The following SHROOM3 variants were observed in gnomAD, a reference collection of about 807,000 sequenced individuals.
The protein encoded by SHROOM3 is shroom family member 3.
A neutral mutation model predicts 138.6 loss-of-function variants in SHROOM3; 47 were observed. That is an observed-to-expected ratio of 0.34 (90% CI 0.27 to 0.43). The LOEUF (loss-of-function observed/expected upper bound fraction) is 0.43, where lower values mean the gene tolerates loss of function less well. SHROOM3 is among the 20% of genes least tolerant of loss of function. The pLI, the probability that SHROOM3 is intolerant of heterozygous loss-of-function variation, is 1.00. For missense variants in SHROOM3, 2,491 were observed against 2,596.5 expected (o/e 0.96, Z 0.88); for synonymous variants, 1,062 against 1,063.3 (o/e 1.00, Z 0.02).
intron 1 of SHROOM3, among the ~76,000 whole-genome samples, chr4:76,506,589 A>G (rs1344154751): frequency 6.6e-6 from 1 of 152,012 alleles, no homozygotes; most frequent in Non-Finnish European, 1.5e-5. Context: ...GTTTAGTATC[A>G]ATCATCTTAA....
chr4:76,475,463 G>T (rs752684260), intron 1 of SHROOM3, among the ~76,000 whole-genome samples: 6 of 152,160 alleles, frequency 3.9e-5, no homozygotes, highest in Non-Finnish European at 8.8e-5. Context: ...AAGACTTTTG[G>T]GTCAGAGATA....
chr4:76,593,208 C>G (rs575212735), intron 2 of SHROOM3, among the ~76,000 whole-genome samples: 148 of 152,298 alleles, frequency 9.7e-4, no homozygotes, highest in African/African-American at 3.4e-3. Context: ...AAAGATCTGT[C>G]TAAAAATGTG....
intron 2 of SHROOM3, among the ~76,000 whole-genome samples, chr4:76,567,459 G>A (rs954981829): frequency 6.6e-6 from 1 of 152,122 alleles, no homozygotes; most frequent in Admixed American, 6.5e-5. Flanking sequence ...GACCATCCTG[G>A]CTAACACGAT....
chr4:76,552,009 C>A (rs1230581759), intron 1 of SHROOM3, among the ~76,000 whole-genome samples: 2 of 142,564 alleles, frequency 1.4e-5, no homozygotes, highest in Admixed American at 6.9e-5. Flanking sequence ...CTACAGGCGC[C>A]CGCCATCACG....
intron 2 of SHROOM3, among the ~76,000 whole-genome samples, chr4:76,570,930 G>C (rs1466663647): frequency 6.6e-6 from 1 of 152,196 alleles, no homozygotes; most frequent in Non-Finnish European, 1.5e-5. Context: ...TGTACATGAG[G>C]TGATTGGACT....
At chr4:76,689,723 G>C in intron 2 of SHROOM3, 2 of 985,630 alleles carry the variant, frequency 2.0e-6, no homozygotes, top group Non-Finnish European at 2.4e-6. Flanking sequence ...AGGGCGGCTG[G>C]GCACGGAGAG....
At chr4:76,632,051 G>A (rs942914501) in intron 2 of SHROOM3, among the ~76,000 whole-genome samples, 2 of 152,184 alleles carry the variant, frequency 1.3e-5, no homozygotes, top group African/African-American at 4.8e-5. Context: ...GGGATCATGA[G>A]TCAAGATGGG....
At chr4:76,560,077 G>A (rs1476886514) in intron 2 of SHROOM3, among the ~76,000 whole-genome samples, 1 of 152,178 alleles carries the variant, frequency 6.6e-6, no homozygotes. Flanking sequence ...GGAATGCAAG[G>A]ACAGTGCAAA....
At chr4:76,507,497 T>C (rs1029924020) in intron 1 of SHROOM3, among the ~76,000 whole-genome samples, 3 of 152,090 alleles carry the variant, frequency 2.0e-5, no homozygotes, top group Non-Finnish European at 2.9e-5. Context: ...TAGTTAAAGA[T>C]ATTGAGCATC....
chr4:76,464,317 T>C (rs1731205278), intron 1 of SHROOM3, among the ~76,000 whole-genome samples: 1 of 152,232 alleles, frequency 6.6e-6, no homozygotes, highest in South Asian at 2.1e-4. Context: ...GCATGGGACC[T>C]GTAGCTTCTT....
rs138250027 is a variant in SHROOM3 at position 76,740,098 on chromosome 4, T to G, written c.1925T>G (p.Leu642Arg). Reference protein sequence around the residue: ...EDHNANLWRRLEREGLGQSLS... With the variant: ...EDHNANLWRRREREGLGQSLS... ...CACAATGCCAACCTCTGGAGGAGGC[T>G]GGAGAGAGAAGGCCTAGGCCAGAGC... Residue 642 changes from leucine (L) to arginine (R), a missense_variant, in exon 5 of 11, where the codon CTG becomes CGG. By Grantham distance (102) the Leu-to-Arg change is moderately radical. Transcript: ENST00000296043. This position sits in a 1 kb window ranked among gnomAD's most constrained non-coding sequence, Gnocchi z 4.0. 68 of 1,613,776 alleles carry G rather than the reference T, an allele frequency of 4.2e-5. No individual in the cohort carries two copies. The African/African-American group carries it at 7.3e-4, about 17-fold the overall frequency.
intron 2 of SHROOM3, among the ~76,000 whole-genome samples, chr4:76,559,996 A>G (rs1380084604): frequency 1.3e-5 from 2 of 152,222 alleles, no homozygotes; most frequent in African/African-American, 4.8e-5. Context: ...AAATGATAAA[A>G]TAATAAGTGG....
chr4:76,739,812 G>C lies in SHROOM3; in HGVS notation c.1639G>C (p.Glu547Gln), dbSNP rs758518092. 6.8e-6 allele frequency: 11 copies of C among 1,614,226 alleles called. No homozygotes were observed. The South Asian group carries it at 1.2e-4, about 18-fold the overall frequency. Reference protein sequence around the residue: ...DLLSPVEKKPEATAKYVPSKV... With the variant: ...DLLSPVEKKPQATAKYVPSKV... ...GCTGTCCCCAGTGGAGAAGAAACCA[G>C]AAGCTACAGCCAAGTATGTCCCCTC... Residue 547 changes from glutamate (E) to glutamine (Q), a missense_variant, in exon 5 of 11, where the codon GAA becomes CAA. Transcript: ENST00000296043.
chr4:76,734,006 T>C (rs959836767), intron 4 of SHROOM3, among the ~76,000 whole-genome samples: 1 of 152,160 alleles, frequency 6.6e-6, no homozygotes, highest in African/African-American at 2.4e-5. Flanking sequence ...TAAAGTACTT[T>C]AGAAGAGACT....
At chr4:76,453,208 C>G (rs1730960549) in intron 1 of SHROOM3, among the ~76,000 whole-genome samples, 1 of 152,148 alleles carries the variant, frequency 6.6e-6, no homozygotes, top group Admixed American at 6.6e-5. Flanking sequence ...CAGCAATGTG[C>G]AAGGGTTCTA....
In SHROOM3 at chr4:76,708,207, G is replaced by A. The variant is rs920844325; in HGVS notation, c.324-1949G>A. Among the ~76,000 whole-genome samples, 91 of 152,006 alleles carry A rather than the reference G, an allele frequency of 6.0e-4. 3 individuals are homozygous for A. Among genetic ancestry groups the A allele is most frequent in the Non-Finnish European group, 1.6e-4 (11 of 68,004 alleles). On this transcript the variant is annotated intron_variant, in intron 2 of 10. Coordinates refer to ENST00000296043, the MANE Select transcript of SHROOM3 (RefSeq NM_020859.4). The stretch of plus-strand genomic sequence containing the variant: ...ATCATACATTGAAAATGCTTAAATC[G>A]ATGGAATGATTTTATGTTCCTCATG...
At chr4:76,538,642 T>C (rs1038662145) in intron 1 of SHROOM3, among the ~76,000 whole-genome samples, 6 of 152,178 alleles carry the variant, frequency 3.9e-5, no homozygotes, top group African/African-American at 1.2e-4. Flanking sequence ...AATTTGAATA[T>C]TGGTGAAGGA....
chr4:76,574,069 T>G lies in SHROOM3; in HGVS notation c.323+18306T>G, dbSNP rs140070710. Among the ~76,000 whole-genome samples, 638 of 152,306 alleles carry G rather than the reference T, an allele frequency of 4.2e-3. 9 individuals are homozygous for G. Among genetic ancestry groups the G allele is most frequent in the African/African-American group, 0.015 (609 of 41,572 alleles). On this transcript the variant is annotated intron_variant, in intron 2 of 10. Transcript: ENST00000296043. ...GCTCACACACTTTCCCTCTCCTCCCTGAGGCTAGAAGAGAAATCAGAACTT... is the reference window on the plus strand; with the variant it reads ...GCTCACACACTTTCCCTCTCCTCCCGGAGGCTAGAAGAGAAATCAGAACTT...
chr4:76,677,392 C>G, intron 2 of SHROOM3, among the ~76,000 whole-genome samples: 1 of 152,116 alleles, frequency 6.6e-6, no homozygotes, highest in East Asian at 1.9e-4. Flanking sequence ...ACTGTTGGAC[C>G]TTGGGAAGTT....
Sources: gnomAD v4.1 joint callset for allele counts (sites outside exome capture counted in the v4.1 genomes callset) on GRCh38, gnomAD v4.1.1 for gene constraint, Gnocchi (gnomAD v3.1) non-coding constraint, MANE v1.5 for transcripts, NCBI Gene and HGNC (gene_info 2026-07-23, HGNC 2026-07-21) for gene names.